The following ZNF385D variants were observed in gnomAD, a reference collection of about 807,000 sequenced individuals.
The protein encoded by ZNF385D is zinc finger protein 385D.
Under a neutral mutation model 35.8 loss-of-function variants are expected in ZNF385D, and 15 were observed. The observed-to-expected ratio is 0.42, with a 90% CI of 0.28 to 0.64. ZNF385D has a LOEUF of 0.64. Ranked by LOEUF, ZNF385D falls within the 30% of genes least tolerant of loss-of-function variation. The pLI is 0.23. For missense variants in ZNF385D, 474 were observed against 494.6 expected (o/e 0.96, Z 0.39); for synonymous variants, 212 against 186.8 (o/e 1.13, Z -1.10).
At chr3:22,154,442 T>C (rs1170224820) in intron 3 of ZNF385D, among the ~76,000 whole-genome samples, 1 of 152,162 alleles carries the variant, frequency 6.6e-6, no homozygotes, top group African/African-American at 2.4e-5. Flanking sequence ...CTTCACCACG[T>C]AAGAAAACAG....
chr3:22,197,971 T>A (rs1484984509), intron 2 of ZNF385D, among the ~76,000 whole-genome samples: 1 of 152,110 alleles, frequency 6.6e-6, no homozygotes, highest in East Asian at 1.9e-4. Flanking sequence ...AACCACTTTG[T>A]CATAGTTAGA....
chr3:22,372,010 T>A (rs1421667002), intron 2 of ZNF385D, among the ~76,000 whole-genome samples: 1 of 152,114 alleles, frequency 6.6e-6, no homozygotes, highest in East Asian at 1.9e-4. Context: ...TTCGCCAGGT[T>A]TCCCCCGAGG....
chr3:21,582,809 G>T (rs557847812), intron 2 of ZNF385D, among the ~76,000 whole-genome samples: 1 of 150,488 alleles, frequency 6.6e-6, no homozygotes, highest in East Asian at 1.9e-4. Flanking sequence ...ATGGAGTCTC[G>T]CTCTATGGCC....
At chr3:22,244,769 G>A in intron 2 of ZNF385D, among the ~76,000 whole-genome samples, 1 of 150,866 alleles carries the variant, frequency 6.6e-6, no homozygotes, top group East Asian at 2.0e-4. Context: ...GTATCAGCGA[G>A]CTCTAAAATC....
rs1700555912 is a variant in ZNF385D, at chr3:21,415,903, A to G, written c.*5311T>C. On this transcript the variant is annotated 3_prime_UTR_variant, in exon 8 of 8. Transcript: ENST00000281523. ...TGAGTTTCCATCACTGAGAAGAGGA[A>G]AGAGAAGACCCTCAAATTGAAGGTA... 1 of 152,152 alleles carries G rather than the reference A, an allele frequency of 6.6e-6. No homozygotes were observed. Among genetic ancestry groups the G allele is most frequent in the Non-Finnish European group, 1.5e-5 (1 of 68,016 alleles). 9.4% of individuals were successfully genotyped at this position (152,152 alleles called of 1,614,324 possible). A position where few individuals can be genotyped will look rare whatever the true frequency, so the allele number is the denominator to read the frequency against.
chr3:22,258,976 A>G (rs1700466138), intron 2 of ZNF385D, among the ~76,000 whole-genome samples: 2 of 151,760 alleles, frequency 1.3e-5, no homozygotes, highest in African/African-American at 4.8e-5. Flanking sequence ...AATCTTTTGG[A>G]TAATTACAGA....
chr3:22,331,924 G>C (rs908219070), intron 2 of ZNF385D, among the ~76,000 whole-genome samples: 1 of 152,114 alleles, frequency 6.6e-6, no homozygotes, highest in Non-Finnish European at 1.5e-5. Flanking sequence ...ACAGGCACTT[G>C]ATTTAAAATT....
intron 3 of ZNF385D, among the ~76,000 whole-genome samples, chr3:21,870,626 C>T (rs565134788): frequency 1.3e-4 from 20 of 152,220 alleles, no homozygotes; most frequent in African/African-American, 4.1e-4. Context: ...CAATCAGCCA[C>T]GCAAACCTTG....
At chr3:21,831,240 C>G (rs925096386) in intron 3 of ZNF385D, among the ~76,000 whole-genome samples, 1 of 152,152 alleles carries the variant, frequency 6.6e-6, no homozygotes, top group African/African-American at 2.4e-5. Flanking sequence ...CAAAATTTAA[C>G]TGTTCCAGTA....
chr3:21,429,028 G>T (rs913719258), intron 5 of ZNF385D, among the ~76,000 whole-genome samples: 1 of 146,830 alleles, frequency 6.8e-6, no homozygotes. Context: ...TGGGGGCAAG[G>T]GGCTAGACTT....
intron 2 of ZNF385D, among the ~76,000 whole-genome samples, chr3:21,606,850 G>C (rs969173202): frequency 2.0e-5 from 3 of 152,208 alleles, no homozygotes; most frequent in Non-Finnish European, 4.4e-5. Flanking sequence ...TTCAAAAAGA[G>C]ATGTTACTTA....
chr3:22,362,785 A>G (rs1409051562), intron 2 of ZNF385D, among the ~76,000 whole-genome samples: 1 of 152,090 alleles, frequency 6.6e-6, no homozygotes, highest in Non-Finnish European at 1.5e-5. Flanking sequence ...TTTAAGGCAA[A>G]TTGCAGAATA....
chr3:22,026,376 A>T (rs888874997), intron 3 of ZNF385D, among the ~76,000 whole-genome samples: 4 of 152,146 alleles, frequency 2.6e-5, no homozygotes, highest in Non-Finnish European at 5.9e-5. Flanking sequence ...CCCCAAGGAA[A>T]CCTCTAGCCT....
At chr3:21,551,157 G>A (rs1474148694) in intron 3 of ZNF385D, among the ~76,000 whole-genome samples, 2 of 152,134 alleles carry the variant, frequency 1.3e-5, no homozygotes, top group Non-Finnish European at 2.9e-5. Context: ...AGTTCCATGA[G>A]GTAAGAAACC....
At chr3:21,566,457 C>G (rs1480554872) in intron 2 of ZNF385D, among the ~76,000 whole-genome samples, 3 of 152,082 alleles carry the variant, frequency 2.0e-5, no homozygotes, top group Non-Finnish European at 4.4e-5. Flanking sequence ...GAAACCTTGT[C>G]TTTACTAACA....
intron 3 of ZNF385D, among the ~76,000 whole-genome samples, chr3:21,764,771 G>C (rs2070756243): frequency 1.3e-5 from 2 of 152,304 alleles, no homozygotes; most frequent in African/African-American, 2.4e-5. Context: ...GTCACACACA[G>C]AGTGGCACTG....
chr3:21,944,182 T>G (rs111567741), intron 3 of ZNF385D, among the ~76,000 whole-genome samples: 42 of 152,354 alleles, frequency 2.8e-4, no homozygotes, highest in African/African-American at 9.6e-4. Flanking sequence ...CCCAGCAGCA[T>G]TGCACTTTCT....
At position 21,656,935 on chromosome 3, in the gene ZNF385D, C is replaced by G. The variant is rs147232483; in HGVS notation, c.165+7951G>C. ...GCTTCAATATTTTCTTATTTGGGTC[C>G]TCTTATTTACTCAAAATCCCAGTTA... On this transcript the variant is annotated intron_variant, in intron 2 of 7. Coordinates refer to ENST00000281523, the MANE Select transcript of ZNF385D (RefSeq NM_024697.3). 1.3e-4 allele frequency among the ~76,000 whole-genome samples: 20 copies of G among 151,922 alleles called. No individual in the cohort carries two copies. The East Asian group carries it at 3.3e-3, about 25-fold the overall frequency.
At chr3:21,679,139 A>G (rs1428221228) in intron 1 of ZNF385D, among the ~76,000 whole-genome samples, 4 of 152,002 alleles carry the variant, frequency 2.6e-5, no homozygotes, top group African/African-American at 9.7e-5. Context: ...TTTCATGTCC[A>G]AAGGAAATTA....
Sources: gnomAD v4.1 joint callset for allele counts (sites outside exome capture counted in the v4.1 genomes callset) on GRCh38, gnomAD v4.1.1 for gene constraint, MANE v1.5 for transcripts, NCBI Gene and HGNC (gene_info 2026-07-23, HGNC 2026-07-21) for gene names.